Variants in TTC7B observed in about 807,000 individuals in gnomAD.
The protein encoded by TTC7B is tetratricopeptide repeat protein 7B.
In TTC7B, 28 loss-of-function variants were observed where a neutral mutation model predicts 106.8. That is an observed-to-expected ratio of 0.26 (90% CI 0.19 to 0.36). The LOEUF (loss-of-function observed/expected upper bound fraction) is 0.36. Ranked by LOEUF, TTC7B falls within the 10% of genes least tolerant of loss-of-function variation. The probability of loss-of-function intolerance (pLI) is 1.00; values close to 1 mark genes in which losing one functional copy is unlikely to be tolerated. For missense variants in TTC7B, 862 were observed against 1,076.4 expected (o/e 0.80, Z 2.79); for synonymous variants, 405 against 430.6 (o/e 0.94, Z 0.74).
rs909898303 is a variant in TTC7B at position 90,526,090 on chromosome 14, T to A, written c.*15278A>T. ...CTGGATAATTCTATGTCTAACTTTT[T>A]AAGAAACTGCCAAACTGTTTTCCAA... On this transcript the variant is annotated 3_prime_UTR_variant, in exon 20 of 20. Transcript: ENST00000328459. 1.3e-5 allele frequency: 2 copies of A among 152,248 alleles called. No individual in the cohort carries two copies. The highest frequency in any genetic ancestry group is 4.1e-4 in the South Asian group (2 of 4,836). 9.4% of individuals were successfully genotyped at this position (152,248 alleles called of 1,614,324 possible).
intron 3 of TTC7B, among the ~76,000 whole-genome samples, chr14:90,774,097 C>T (rs1890949427): frequency 6.6e-6 from 1 of 152,168 alleles, no homozygotes; most frequent in African/African-American, 2.4e-5. Context: ...GGGACCAGCC[C>T]CTCTTCACCA....
intron 12 of TTC7B, among the ~76,000 whole-genome samples, chr14:90,653,217 GC>G (rs577085067): frequency 2.5e-4 from 38 of 152,218 alleles, no homozygotes; most frequent in Non-Finnish European, 5.0e-4. Context: ...GAGCACGACT[GC>G]CCTCTCAAGT....
At chr14:90,662,398 A>AGC (rs2139906445) in intron 9 of TTC7B, among the ~76,000 whole-genome samples, 1 of 152,322 alleles carries the variant, frequency 6.6e-6, no homozygotes, top group African/African-American at 2.4e-5. Flanking sequence ...GCAGATGGAT[A>AGC]AGTTACTTTT....
intron 1 of TTC7B, among the ~76,000 whole-genome samples, chr14:90,801,560 G>A (rs1333562753): frequency 6.6e-6 from 1 of 152,168 alleles, no homozygotes; most frequent in Non-Finnish European, 1.5e-5. Context: ...ATTTACTGAG[G>A]TGAGGAGGAA....
At chr14:90,711,396 GAT>G (rs1888439670) in intron 5 of TTC7B, among the ~76,000 whole-genome samples, 2 of 152,166 alleles carry the variant, frequency 1.3e-5, no homozygotes. Flanking sequence ...ATAGTTTAAA[GAT>G]ATATATTATA....
intron 3 of TTC7B, among the ~76,000 whole-genome samples, chr14:90,765,210 G>A (rs1890633933): frequency 6.6e-6 from 1 of 152,130 alleles, no homozygotes; most frequent in African/African-American, 2.4e-5. Flanking sequence ...GATACAAAAA[G>A]TCAAGTGCAT....
At chr14:90,773,379 G>C (rs1284837087) in intron 3 of TTC7B, among the ~76,000 whole-genome samples, 2 of 152,166 alleles carry the variant, frequency 1.3e-5, no homozygotes, top group Non-Finnish European at 2.9e-5. Context: ...CACAATGAGT[G>C]ATTATGCTCC....
chr14:90,628,451 A>G (rs1385427991), intron 15 of TTC7B, among the ~76,000 whole-genome samples: 1 of 152,222 alleles, frequency 6.6e-6, no homozygotes, highest in Non-Finnish European at 1.5e-5. Context: ...GGAGGGGAGC[A>G]CAGTGAAGAA....
intron 19 of TTC7B, among the ~76,000 whole-genome samples, chr14:90,553,894 G>T (rs1890193280): frequency 6.6e-6 from 1 of 152,240 alleles, no homozygotes; most frequent in Admixed American, 6.5e-5. Context: ...CTGACTGGCA[G>T]AATCTCTTAA....
chr14:90,683,159 T>G (rs1887120301), intron 7 of TTC7B, among the ~76,000 whole-genome samples: 1 of 152,188 alleles, frequency 6.6e-6, no homozygotes, highest in Non-Finnish European at 1.5e-5. Flanking sequence ...TAATGACAAG[T>G]TGAGGTCTAA....
chr14:90,574,704 C>T lies in TTC7B; in HGVS notation c.2310+3402G>A, dbSNP rs116774345. Among the ~76,000 whole-genome samples the T allele has an allele frequency of 5.6e-3, 854 of 152,334 alleles. 12 individuals are homozygous for T. The highest frequency in any genetic ancestry group is 0.019 in the African/African-American group (785 of 41,558). ...CTGGCACCTGCTGCCACTTACAACT[C>T]CTGGCATAACTGTTCTCTGCCGTCA... On this transcript the variant is annotated intron_variant, in intron 19 of 19. Coordinates refer to ENST00000328459, the MANE Select transcript of TTC7B (RefSeq NM_001010854.2).
At chr14:90,729,197 G>C (rs1239998658) in intron 5 of TTC7B, among the ~76,000 whole-genome samples, 1 of 152,226 alleles carries the variant, frequency 6.6e-6, no homozygotes, top group Admixed American at 6.5e-5. Context: ...GGAAATGGAC[G>C]CATGCGGCTC....
chr14:90,590,100 C>G (rs1891893541), intron 18 of TTC7B, among the ~76,000 whole-genome samples: 1 of 152,122 alleles, frequency 6.6e-6, no homozygotes, highest in African/African-American at 2.4e-5. Context: ...GACTGAGGCT[C>G]AGGGATAAGA....
rs138027214 is a variant in TTC7B, at chr14:90,758,570, C to T, written c.446-13648G>A. ...GGCGCGCGACTGCGCTAGAACGCGG[C>T]TCCCGCGACCCCTGGCGGCGGCTGC... On this transcript the variant is annotated intron_variant, in intron 3 of 19. Coordinates refer to ENST00000328459, the MANE Select transcript of TTC7B (RefSeq NM_001010854.2). 9.9e-3 allele frequency among the ~76,000 whole-genome samples: 1,508 copies of T among 152,356 alleles called. 22 individuals are homozygous for T. Among genetic ancestry groups the T allele is most frequent in the African/African-American group, 0.035 (1,435 of 41,592 alleles).
chr14:90,607,347 G>A (rs930776842), intron 17 of TTC7B, among the ~76,000 whole-genome samples: 9 of 152,152 alleles, frequency 5.9e-5, no homozygotes, highest in African/African-American at 1.7e-4. Context: ...GCACCCTCAC[G>A]GATGCTAACA....
At chr14:90,598,902 C>A (rs370634656) in intron 17 of TTC7B, among the ~76,000 whole-genome samples, 3 of 152,182 alleles carry the variant, frequency 2.0e-5, no homozygotes, top group African/African-American at 4.8e-5. Context: ...AATCCCAGCA[C>A]TTTGGGAGGC....
At chr14:90,700,781 A>T (rs1358449424) in intron 5 of TTC7B, among the ~76,000 whole-genome samples, 1 of 149,490 alleles carries the variant, frequency 6.7e-6, no homozygotes. Flanking sequence ...GATACATACC[A>T]TGTATCTTCT....
At chr14:90,630,141 C>T (rs993172800) in intron 15 of TTC7B, among the ~76,000 whole-genome samples, 3 of 152,198 alleles carry the variant, frequency 2.0e-5, no homozygotes, top group Non-Finnish European at 4.4e-5. Context: ...TCCCCTCTTC[C>T]AGTTCTTCTA....
intron 19 of TTC7B, among the ~76,000 whole-genome samples, chr14:90,543,762 C>A (rs904589024): frequency 2.0e-5 from 3 of 152,330 alleles, no homozygotes; most frequent in African/African-American, 7.2e-5. Flanking sequence ...TCTTTCAAAT[C>A]TCATCTTAAA....
Sources: gnomAD v4.1 joint callset for allele counts (sites outside exome capture counted in the v4.1 genomes callset) on GRCh38, gnomAD v4.1.1 for gene constraint, MANE v1.5 for transcripts, NCBI Gene and HGNC (gene_info 2026-07-23, HGNC 2026-07-21) for gene names.